ATE1: variants seen among roughly 807,000 people sequenced by gnomAD.
ATE1 encodes the protein arginyl-tRNA--protein transferase 1.
Under a neutral mutation model 70.5 loss-of-function variants are expected in ATE1, and 36 were observed. That is an observed-to-expected ratio of 0.51 (90% CI 0.39 to 0.67). The LOEUF (loss-of-function observed/expected upper bound fraction) is 0.67, where lower values mean the gene tolerates loss of function less well. Ranked by LOEUF, ATE1 falls within the 30% of genes least tolerant of loss-of-function variation. The probability of loss-of-function intolerance (pLI) is 0.00; values close to 1 mark genes in which losing one functional copy is unlikely to be tolerated. For synonymous variants in ATE1, 232 were observed against 219.3 expected (o/e 1.06, Z -0.51); for missense variants, 593 against 629.5 (o/e 0.94, Z 0.62).
chr10:121,902,541 C>T lies in ATE1; in HGVS notation c.663G>A (p.Met221Ile). Residue 221 changes from methionine to isoleucine, a missense_variant, in exon 6 of 12, where the codon ATG becomes ATA. This residue lies in a region of ATE1 where 467 missense variants were observed against 469.6 expected (regional missense o/e 0.99). Transcript: ENST00000224652. ...CAAGTTCTCCAGCTGGGTTCTGCTGCATTAGTTTTAACCTTTTCCTTTCTT... is the reference window on the plus strand; with the variant it reads ...CAAGTTCTCCAGCTGGGTTCTGCTGTATTAGTTTTAACCTTTTCCTTTCTT... The part of the protein sequence containing the change: ...IRKERKRLKL[M>I]QQNPAGELEG... 1.9e-6 allele frequency: 3 copies of T among 1,614,202 alleles called. No individual in the cohort carries two copies. Among genetic ancestry groups the T allele is most frequent in the Non-Finnish European group, 2.5e-6 (3 of 1,180,032 alleles).
chr10:121,870,245 C>T (rs1590574995), intron 7 of ATE1, among the ~76,000 whole-genome samples: 1 of 152,128 alleles, frequency 6.6e-6, no homozygotes, highest in Non-Finnish European at 1.5e-5. Context: ...ATTTGAATTC[C>T]TTTCAATAAA....
At chr10:121,888,795 G>A (rs1037296652) in intron 7 of ATE1, among the ~76,000 whole-genome samples, 3 of 152,112 alleles carry the variant, frequency 2.0e-5, no homozygotes, top group Non-Finnish European at 4.4e-5. Flanking sequence ...ACTATACAGC[G>A]ATGAGAGTTA....
Position 121,857,283 on chromosome 10 carries a change from T to C in ATE1, c.975+12723A>G, listed in dbSNP as rs544327804. ...TGCCCCACTTCCCTTCTTTTTATCA[T>C]AGCCTCCACTGTCTACTGTTCCCAT... On this transcript the variant is annotated intron_variant, in intron 8 of 11. Transcript: ENST00000224652. Among the ~76,000 whole-genome samples, 155 of 152,284 alleles carry C rather than the reference T, an allele frequency of 1.0e-3. 1 individual carries two copies. The highest frequency in any genetic ancestry group is 2.9e-3 in the Admixed American group (45 of 15,286).
chr10:121,890,878 T>A (rs1163825157), intron 7 of ATE1, among the ~76,000 whole-genome samples: 1 of 152,174 alleles, frequency 6.6e-6, no homozygotes, highest in Non-Finnish European at 1.5e-5. Context: ...GAAAATCTGA[T>A]ATCTACCTGA....
chr10:121,747,429 G>A (rs1277643915), intron 11 of ATE1, among the ~76,000 whole-genome samples: 1 of 152,172 alleles, frequency 6.6e-6, no homozygotes, highest in East Asian at 1.9e-4. Flanking sequence ...GGATAAAGAA[G>A]CAAGGGCATT....
rs536332140 is a variant in ATE1 at position 121,812,538 on chromosome 10, G to A, written c.1258-22249C>T. Among the ~76,000 whole-genome samples the A allele has an allele frequency of 1.4e-4, 21 of 152,134 alleles. No homozygotes were observed. In the East Asian group the frequency reaches 1.7e-3, roughly 13 times the overall value. ...AGCACTTAAAAACTCTTCCTCCCTC[G>A]AAATTCACAGAAGTGCAGCTGGTTA... On this transcript the variant is annotated intron_variant, in intron 10 of 11. Transcript: ENST00000224652.
intron 5 of ATE1, among the ~76,000 whole-genome samples, chr10:121,909,230 C>T (rs1951323156): frequency 6.6e-6 from 1 of 152,160 alleles, no homozygotes; most frequent in Non-Finnish European, 1.5e-5. Flanking sequence ...CTCAAGCAAT[C>T]CACCTGCCTC....
At chr10:121,825,196 TGGGAA>T (rs907437206) in intron 10 of ATE1, among the ~76,000 whole-genome samples, 2 of 152,030 alleles carry the variant, frequency 1.3e-5, no homozygotes, top group African/African-American at 4.8e-5. Flanking sequence ...GATGGAATTA[TGGGAA>T]ATAAAGTAAG....
chr10:121,815,500 T>A (rs995410102), intron 10 of ATE1, among the ~76,000 whole-genome samples: 1 of 152,214 alleles, frequency 6.6e-6, no homozygotes, highest in African/African-American at 2.4e-5. Flanking sequence ...TTGCTAGACA[T>A]ATCTCATTGT....
chr10:121,842,960 A>T (rs1295708014), intron 8 of ATE1, among the ~76,000 whole-genome samples: 1 of 152,190 alleles, frequency 6.6e-6, no homozygotes, highest in Non-Finnish European at 1.5e-5. Flanking sequence ...AGTCAACATC[A>T]TATTAGAAAG....
intron 8 of ATE1, among the ~76,000 whole-genome samples, chr10:121,841,558 T>C (rs1590453243): frequency 6.6e-6 from 1 of 152,198 alleles, no homozygotes; most frequent in Non-Finnish European, 1.5e-5. Context: ...TATTAAACTA[T>C]GTCCTTCCAT....
chr10:121,778,991 C>T (rs2135940130), intron 11 of ATE1, among the ~76,000 whole-genome samples: 1 of 152,220 alleles, frequency 6.6e-6, no homozygotes, highest in East Asian at 1.9e-4. Context: ...CCTACATTAG[C>T]TTCCCAATAC....
intron 1 of ATE1, 93 bp from the exon 2 acceptor site, chr10:121,924,422 C>T (rs78103499): frequency 0.047 from 57,195 of 1,216,636 alleles, 2,924 homozygotes; most frequent in East Asian, 0.28. Flanking sequence ...AGTGTGTGTC[C>T]GGGCACGGTG....
At chr10:121,898,738 T>C in intron 7 of ATE1, 1 of 1,334,024 alleles carries the variant, frequency 7.5e-7, no homozygotes, top group Non-Finnish European at 1.0e-6. Context: ...AGTTCAGTAA[T>C]ACACACTGAA....
intron 7 of ATE1, among the ~76,000 whole-genome samples, chr10:121,873,780 C>T (rs1949941777): frequency 1.3e-5 from 2 of 151,716 alleles, no homozygotes; most frequent in Admixed American, 1.3e-4. Flanking sequence ...CACTTTGCTC[C>T]TGAAATGCCT....
At chr10:121,745,699 C>T (rs556682526) in intron 11 of ATE1, among the ~76,000 whole-genome samples, 3 of 151,554 alleles carry the variant, frequency 2.0e-5, no homozygotes, top group Non-Finnish European at 4.4e-5. Context: ...TGCACTCCAG[C>T]CTGGGCGACA....
rs1952170526 is a variant in ATE1 at position 121,927,932 on chromosome 10, C to G, written c.18G>C (p.Gly6=). ...AATAGTCCACGACGCTGGGCGAACC[C>G]CCCGCCCAGAAAGCCATGGCCTCGG... is the stretch of plus-strand genomic sequence containing the variant. MAFWA[G]GSPSVVDYFP... The change falls in exon 1 of 12, where the codon GGG becomes GGC. Residue 6 remains glycine, a synonymous_variant. Coordinates refer to ENST00000224652, the MANE Select transcript of ATE1 (RefSeq NM_001001976.3). 6.4e-7 allele frequency: 1 copy of G among 1,572,924 alleles called. No homozygotes were observed. Among genetic ancestry groups the G allele is most frequent in the African/African-American group, 1.4e-5 (1 of 70,996 alleles).
intron 11 of ATE1, among the ~76,000 whole-genome samples, chr10:121,766,362 G>A (rs967080392): frequency 6.6e-6 from 1 of 152,098 alleles, no homozygotes; most frequent in Admixed American, 6.5e-5. Context: ...CCAGGAAGAT[G>A]AGGGAGACCT....
Position 121,790,251 on chromosome 10 carries a change from T to C in ATE1, c.1296A>G (p.Thr432=). The change falls in exon 11 of 12, where the codon ACA becomes ACG. Residue 432 remains threonine (T), a synonymous_variant. Coordinates refer to ENST00000224652, the MANE Select transcript of ATE1 (RefSeq NM_001001976.3). ...ATTGCTCAATGGGTACCCAAACATA[T>C]GTCTCAGGGCACAGCAAATCAGAAG... ...YRPSDLLCPE[T]YVWVPIEQCL... is the part of the protein sequence containing the mutation. 1.2e-6 allele frequency: 2 copies of C among 1,613,950 alleles called. No homozygotes were observed. Among genetic ancestry groups the C allele is most frequent in the Admixed American group, 1.7e-5 (1 of 60,004 alleles).
Sources: allele counts gnomAD v4.1 joint callset (sites outside exome capture counted in the v4.1 genomes callset), GRCh38; gene constraint gnomAD v4.1.1; regional missense constraint gnomAD v4.1.1; transcripts MANE v1.5; gene names NCBI Gene and HGNC (gene_info 2026-07-23, HGNC 2026-07-21).